LPAR1: variants seen among roughly 807,000 people sequenced by gnomAD.
The protein encoded by LPAR1 is LPA receptor 1.
In LPAR1, 5 loss-of-function variants were observed where a neutral mutation model predicts 23.8. The ratio of observed to expected loss-of-function variants is 0.21; its 90% CI spans 0.11 to 0.44. The LOEUF (loss-of-function observed/expected upper bound fraction) is 0.44, where lower values mean the gene tolerates loss of function less well. Ranked by LOEUF, LPAR1 falls within the 20% of genes least tolerant of loss-of-function variation. The pLI is 0.99. For missense variants in LPAR1, 311 were observed against 482.8 expected (o/e 0.64, Z 3.33); for synonymous variants, 160 against 164.7 (o/e 0.97, Z 0.22).
chr9:110,931,402 TCATACTCA>T (rs1214641383), intron 5 of LPAR1, among the ~76,000 whole-genome samples: 1 of 152,224 alleles, frequency 6.6e-6, no homozygotes, highest in Non-Finnish European at 1.5e-5. Flanking sequence ...ATCTTTGCAG[TCATACTCA>T]TTAACAGAGA....
intron 4 of LPAR1, among the ~76,000 whole-genome samples, chr9:110,970,837 T>C (rs2096394683): frequency 6.6e-6 from 1 of 152,176 alleles, no homozygotes; most frequent in South Asian, 2.1e-4. Context: ...TATGCTTTTT[T>C]CTTCAAAGTT....
At chr9:110,927,993 A>G (rs567207338) in intron 5 of LPAR1, among the ~76,000 whole-genome samples, 2 of 152,256 alleles carry the variant, frequency 1.3e-5, no homozygotes, top group African/African-American at 4.8e-5. Context: ...TTAAATATCC[A>G]TATTTATAAA....
At position 110,973,251 on chromosome 9, in the gene LPAR1, G is replaced by A. The variant is rs574821489; in HGVS notation, c.-104+230C>T. Among the ~76,000 whole-genome samples the A allele has an allele frequency of 9.2e-5, 14 of 152,230 alleles. No homozygotes were observed. The South Asian group carries it at 1.2e-3, about 14-fold the overall frequency. ...GATAAAAGTAGACTACCATAATACC[G>A]TCAAGTGATTAGATAGCACCCCGTC... On this transcript the variant is annotated intron_variant, in intron 3 of 5. Transcript: ENST00000683809.
rs182857037 is a variant in LPAR1, at chr9:110,986,152, C to T, written c.-181-12594G>A. On this transcript the variant is annotated intron_variant, in intron 2 of 5. Coordinates refer to ENST00000683809, the MANE Select transcript of LPAR1 (RefSeq NM_001351411.2). Reference sequence around the variant, plus strand: ...GTGTGTGCATGCCATGACCCTCAGCCATTTGCATAGGGACCTAGAGCAATG... The same window carrying T: ...GTGTGTGCATGCCATGACCCTCAGCTATTTGCATAGGGACCTAGAGCAATG... Among the ~76,000 whole-genome samples, 575 of 152,168 alleles carry T rather than the reference C, an allele frequency of 3.8e-3. 2 individuals are homozygous for T. The highest frequency in any genetic ancestry group is 5.9e-3 in the Non-Finnish European group (401 of 67,988).
At chr9:110,988,168 T>C (rs1346575872) in intron 2 of LPAR1, among the ~76,000 whole-genome samples, 1 of 151,978 alleles carries the variant, frequency 6.6e-6, no homozygotes, top group Non-Finnish European at 1.5e-5. Context: ...ATAAAAACAT[T>C]TTCAAACATA....
At chr9:111,017,748 G>A (rs558289386) in intron 2 of LPAR1, among the ~76,000 whole-genome samples, 2 of 152,170 alleles carry the variant, frequency 1.3e-5, no homozygotes, top group African/African-American at 2.4e-5. Flanking sequence ...TTGGCTGGGC[G>A]CAGTGGCTCA....
At chr9:110,984,771 CA>C (rs749821454) in intron 2 of LPAR1, among the ~76,000 whole-genome samples, 41 of 92,072 alleles carry the variant, frequency 4.5e-4, no homozygotes, top group East Asian at 1.1e-3. Context: ...GTAACGGTGA[CA>C]AAAAAAAAAG....
At position 110,875,418 on chromosome 9, in the gene LPAR1, G is replaced by C. The variant is rs377117526; in HGVS notation, c.*3C>G. ...CGGCTGGTTCCTCATCTCAGTTTCC[G>C]TTCTAAACCACAGAGTGGTCATTGC... is the stretch of plus-strand genomic sequence containing the variant. On this transcript the variant is annotated 3_prime_UTR_variant, in exon 6 of 6. Coordinates refer to ENST00000683809, the MANE Select transcript of LPAR1 (RefSeq NM_001351411.2). The C allele has an allele frequency of 1.2e-6, 2 of 1,605,056 alleles. No individual in the cohort carries two copies. The highest frequency in any genetic ancestry group is 2.2e-5 in the East Asian group (1 of 44,618).
intron 2 of LPAR1, among the ~76,000 whole-genome samples, chr9:110,980,252 A>G (rs1048099577): frequency 6.6e-6 from 1 of 152,124 alleles, no homozygotes; most frequent in Admixed American, 6.6e-5. Flanking sequence ...CACATAGCAC[A>G]TATTTCAAAA....
At chr9:110,937,822 TTGA>T (rs2094826156) in intron 5 of LPAR1, among the ~76,000 whole-genome samples, 1 of 152,236 alleles carries the variant, frequency 6.6e-6, no homozygotes. Context: ...AGGGATCATT[TTGA>T]TGAAGTGAAA....
chr9:110,877,178 A>T (rs1440845116), intron 5 of LPAR1, among the ~76,000 whole-genome samples: 3 of 152,192 alleles, frequency 2.0e-5, no homozygotes, highest in African/African-American at 7.2e-5. Context: ...AACAAATGAG[A>T]TTTAGTCTCC....
At chr9:110,924,942 T>C (rs1300842374) in intron 5 of LPAR1, among the ~76,000 whole-genome samples, 1 of 152,184 alleles carries the variant, frequency 6.6e-6, no homozygotes, top group Non-Finnish European at 1.5e-5. Flanking sequence ...GTGCCATCCT[T>C]CCTACCAGAC....
chr9:110,954,724 A>AC (rs1386553243), intron 4 of LPAR1, among the ~76,000 whole-genome samples: 4 of 152,120 alleles, frequency 2.6e-5, no homozygotes, highest in Admixed American at 6.5e-5. Context: ...AAACAAACAA[A>AC]AAAAACTGCC....
At chr9:110,949,813 C>T (rs1156769522) in intron 4 of LPAR1, among the ~76,000 whole-genome samples, 1 of 152,078 alleles carries the variant, frequency 6.6e-6, no homozygotes, top group Non-Finnish European at 1.5e-5. Flanking sequence ...GTATATATGA[C>T]TAAATGGGTT....
intron 5 of LPAR1, among the ~76,000 whole-genome samples, chr9:110,902,106 CA>C (rs902836661): frequency 1.1e-4 from 17 of 152,144 alleles, no homozygotes; most frequent in Middle Eastern, 3.4e-3. Context: ...TTACAACCCA[CA>C]ACCTCACAGA....
chr9:110,985,462 G>A (rs2139275294), intron 2 of LPAR1, among the ~76,000 whole-genome samples: 1 of 152,100 alleles, frequency 6.6e-6, no homozygotes, highest in Non-Finnish European at 1.5e-5. Context: ...GCATTCCAAG[G>A]AAGAAATACA....
At chr9:111,012,063 A>G (rs965907253) in intron 2 of LPAR1, among the ~76,000 whole-genome samples, 11 of 152,168 alleles carry the variant, frequency 7.2e-5, no homozygotes, top group Admixed American at 6.5e-4. Flanking sequence ...CAGGCTGGAC[A>G]ACATAGCGAG....
At chr9:110,971,544 C>T (rs2096419160) in intron 4 of LPAR1, among the ~76,000 whole-genome samples, 1 of 152,112 alleles carries the variant, frequency 6.6e-6, no homozygotes, top group African/African-American at 2.4e-5. Context: ...CTGCTCTTCA[C>T]TGGACAGAAA....
chr9:110,917,954 G>T (rs2093326927), intron 5 of LPAR1, among the ~76,000 whole-genome samples: 1 of 152,128 alleles, frequency 6.6e-6, no homozygotes, highest in South Asian at 2.1e-4. Context: ...CCAGGCTGTA[G>T]TACAGTGGCA....
Sources: gnomAD v4.1 joint callset for allele counts (sites outside exome capture counted in the v4.1 genomes callset) on GRCh38, gnomAD v4.1.1 for gene constraint, MANE v1.5 for transcripts, NCBI Gene and HGNC (gene_info 2026-07-23, HGNC 2026-07-21) for gene names.